The following ZFP57 variants were observed in gnomAD, a reference collection of about 807,000 sequenced individuals.
The protein encoded by ZFP57 is zinc finger protein 57 homolog.
In ZFP57, 12 loss-of-function variants were observed where a neutral mutation model predicts 15.8. The observed-to-expected ratio is 0.76, with a 90% confidence interval of 0.49 to 1.23. The LOEUF is 1.23. Ranked by LOEUF, ZFP57 falls within the 50% of genes most tolerant of loss-of-function variation. The pLI, the probability that ZFP57 is intolerant of heterozygous loss-of-function variation, is 0.00. For synonymous variants in ZFP57, 203 were observed against 242.3 expected (o/e 0.84, Z 1.51); for missense variants, 536 against 654.9 (o/e 0.82, Z 1.98).
chr6:29,678,352 G>A (rs1343246533), intron 1 of ZFP57, among the ~76,000 whole-genome samples: 1 of 152,182 alleles, frequency 6.6e-6, no homozygotes, highest in African/African-American at 2.4e-5. Flanking sequence ...GACAATACCT[G>A]CCCATTAGTT....
Position 29,675,612 on chromosome 6 carries a change from G to A in ZFP57, c.251-125C>T, listed in dbSNP as rs900023008. The A allele has an allele frequency of 5.8e-5, 50 of 854,922 alleles. No individual in the cohort carries two copies. The Middle Eastern group carries it at 9.8e-4, about 17-fold the overall frequency. 53.0% of individuals were successfully genotyped at this position (854,922 alleles called of 1,614,324 possible). On this transcript the variant is annotated intron_variant, in intron 3 of 4. Transcript: ENST00000376883. The stretch of plus-strand genomic sequence containing the variant: ...ACCATAACCTGGGACATGTAGATGC[G>A]GAAAGGAGACATTAAAAGGCCAGCT...
chr6:29,676,560 A>AAAAAAAAGAAAAAAAAT (rs1562226873), intron 2 of ZFP57, among the ~76,000 whole-genome samples: 1 of 144,326 alleles, frequency 6.9e-6, no homozygotes. Context: ...GAAAAAAAAA[A>AAAAAAAAGAAAAAAAAT]AAAGGAAAGG....
intron 2 of ZFP57, among the ~76,000 whole-genome samples, chr6:29,676,620 G>A (rs1772093335): frequency 6.6e-6 from 1 of 151,746 alleles, no homozygotes; most frequent in Non-Finnish European, 1.5e-5. Context: ...GAGGAAAGAG[G>A]ATATGCAGAT....
chr6:29,678,378 A>G (rs1772176987), intron 1 of ZFP57, among the ~76,000 whole-genome samples: 1 of 152,238 alleles, frequency 6.6e-6, no homozygotes, highest in Admixed American at 6.5e-5. Context: ...GTAGCTAGCC[A>G]TCTCAGTTAC....
At chr6:29,680,365 T>A (rs1772283025) in intron 1 of ZFP57, among the ~76,000 whole-genome samples, 1 of 152,022 alleles carries the variant, frequency 6.6e-6, no homozygotes. Flanking sequence ...ATGATGAGAA[T>A]CCCCCTCACC....
At chr6:29,678,151 C>T (rs775527965) in intron 1 of ZFP57, among the ~76,000 whole-genome samples, 1 of 152,228 alleles carries the variant, frequency 6.6e-6, no homozygotes. Context: ...TTGCCATGAG[C>T]CAAGACTGCG....
At position 29,677,170 on chromosome 6, in the gene ZFP57, T is replaced by C; in HGVS notation, c.-167A>G. 1 of 834,912 alleles carries C rather than the reference T, an allele frequency of 1.2e-6. No homozygotes were observed. Among genetic ancestry groups the C allele is most frequent in the Non-Finnish European group, 1.9e-6 (1 of 521,138 alleles). 51.7% of individuals were successfully genotyped at this position (834,912 alleles called of 1,614,324 possible). A position where few individuals can be genotyped will look rare whatever the true frequency, so the allele number is the denominator to read the frequency against. ...GGCTTCCTGTGACAAATGTATCTGC[T>C]CCAAGAGGCTGTCTTCCTTTTTTGT... On this transcript the variant is annotated 5_prime_UTR_variant, in exon 2 of 5. Transcript: ENST00000376883.
intron 2 of ZFP57, among the ~76,000 whole-genome samples, chr6:29,676,493 G>A (rs1418292647): frequency 3.8e-4 from 52 of 135,674 alleles, no homozygotes; most frequent in African/African-American, 1.2e-3. Context: ...CCAAGATCGC[G>A]CCACCGCACT....
At chr6:29,675,338 G>A in intron 4 of ZFP57, 48 bp downstream of exon 4, 1 of 1,335,646 alleles carries the variant, frequency 7.5e-7, no homozygotes, top group Non-Finnish European at 1.1e-6. Flanking sequence ...TCCTTTCAGG[G>A]GTTATCCTGG....
At chr6:29,676,102 A>ATATGTG (rs375547942) in intron 2 of ZFP57, 43 bp from the exon 3 acceptor site, 10 of 1,266,448 alleles carry the variant, frequency 7.9e-6, no homozygotes, top group Non-Finnish European at 1.1e-5. Context: ...ATAAATATAT[A>ATATGTG]TGTGTGTGTG....
At chr6:29,677,943 T>C (rs999809601) in intron 1 of ZFP57, among the ~76,000 whole-genome samples, 1 of 152,212 alleles carries the variant, frequency 6.6e-6, no homozygotes. Context: ...CTCACACCTG[T>C]AATCCCAGCA....
At chr6:29,672,471 CAAAG>C (rs1771705270), downstream of ZFP57, 2 of 1,612,596 alleles carry the variant, frequency 1.2e-6, no homozygotes, top group Non-Finnish European at 1.7e-6. Flanking sequence ...AAACTAAACA[CAAAG>C]AAAGAGCTCA....
At chr6:29,680,499 G>A (rs1276793853) in intron 1 of ZFP57, among the ~76,000 whole-genome samples, 2 of 152,148 alleles carry the variant, frequency 1.3e-5, no homozygotes, top group African/African-American at 4.8e-5. Context: ...GCAGTCGCAC[G>A]GCCCTTTGGT....
chr6:29,680,984 G>A (rs1351000904), intron 1 of ZFP57, 78 bp downstream of exon 1: 1 of 152,290 alleles, frequency 6.6e-6, no homozygotes, highest in African/African-American at 2.4e-5. Context: ...GCCTGCGGAA[G>A]AGTCAGAGGA....
chr6:29,674,294 C>T (rs1191699640), intron 4 of ZFP57, among the ~76,000 whole-genome samples: 2 of 152,158 alleles, frequency 1.3e-5, no homozygotes, highest in Non-Finnish European at 2.9e-5. Flanking sequence ...CAGCCTAACA[C>T]ACTTCTTGTC....
chr6:29,679,271 C>T (rs2087146406), intron 1 of ZFP57, among the ~76,000 whole-genome samples: 1 of 152,188 alleles, frequency 6.6e-6, no homozygotes, highest in African/African-American at 2.4e-5. Flanking sequence ...ACCCACATCT[C>T]CCTTACTAGA....
At chr6:29,675,148 T>C (rs1475345209) in intron 4 of ZFP57, among the ~76,000 whole-genome samples, 2 of 86,172 alleles carry the variant, frequency 2.3e-5, no homozygotes, top group Non-Finnish European at 4.3e-5. Context: ...CGAGACTGTG[T>C]CTCAAAAAAA....
rs543657387 is a variant in ZFP57, at chr6:29,672,909, C to T, written c.1202G>A (p.Arg401Lys). Reference protein sequence around the residue: ...LTFSKKSYLSRHQKAHLTEPP... With the variant: ...LTFSKKSYLSKHQKAHLTEPP... Reference sequence around the variant, plus strand: ...CTCTGTGAGGTGGGCCTTCTGGTGTCTGGAGAGATAGGATTTCTTGCTAAA... The same window carrying T: ...CTCTGTGAGGTGGGCCTTCTGGTGTTTGGAGAGATAGGATTTCTTGCTAAA... Residue 401 changes from arginine (R) to lysine (K), a missense_variant, in exon 5 of 5, where the codon AGA becomes AAA. Coordinates refer to ENST00000376883, the MANE Select transcript of ZFP57 (RefSeq NM_001109809.5). 1 of 1,613,036 alleles carries T rather than the reference C, an allele frequency of 6.2e-7. No individual in the cohort carries two copies. The highest frequency in any genetic ancestry group is 1.7e-5 in the Admixed American group (1 of 60,010).
intron 2 of ZFP57, 51 bp from the exon 3 acceptor site, chr6:29,676,110 G>GTGTGTGTA: frequency 6.7e-7 from 1 of 1,482,400 alleles, no homozygotes; most frequent in Non-Finnish European, 9.3e-7. Flanking sequence ...ATATGTGTGT[G>GTGTGTGTA]TGTGTGTGTG....
Sources: allele counts gnomAD v4.1 joint callset (sites outside exome capture counted in the v4.1 genomes callset), GRCh38; gene constraint gnomAD v4.1.1; transcripts MANE v1.5; gene names NCBI Gene and HGNC (gene_info 2026-07-23, HGNC 2026-07-21).